Variants in GRID2 observed in about 807,000 individuals in gnomAD.
GRID2 encodes the protein glutamate receptor ionotropic, delta-2.
Under a neutral mutation model 114.8 loss-of-function variants are expected in GRID2, and 33 were observed. That is an observed-to-expected ratio of 0.29 (90% confidence interval 0.22 to 0.38). GRID2 has a LOEUF of 0.38. Among genes scored for constraint, GRID2 ranks in the 10% least tolerant of loss-of-function variants. The pLI, the probability that GRID2 is intolerant of heterozygous loss-of-function variation, is 1.00. For synonymous variants in GRID2, 505 were observed against 449.9 expected (o/e 1.12, Z -1.55); for missense variants, 1,184 against 1,257.7 (o/e 0.94, Z 0.89).
At chr4:92,741,795 T>A (rs1272038357) in intron 2 of GRID2, among the ~76,000 whole-genome samples, 1 of 152,204 alleles carries the variant, frequency 6.6e-6, no homozygotes, top group Admixed American at 6.5e-5. Flanking sequence ...TAAAGATTCA[T>A]TATAAGCAAA....
At chr4:92,715,419 A>G (rs1735492053) in intron 2 of GRID2, among the ~76,000 whole-genome samples, 1 of 152,130 alleles carries the variant, frequency 6.6e-6, no homozygotes, top group South Asian at 2.1e-4. Flanking sequence ...CCTGTCACCC[A>G]GTTCCAAAGT....
intron 8 of GRID2, chr4:93,302,561 A>G (rs1267234363): frequency 4.4e-6 from 2 of 456,060 alleles, no homozygotes; most frequent in Non-Finnish European, 8.8e-6. Flanking sequence ...TGTACGCACA[A>G]CTGAAAAATT....
intron 1 of GRID2, among the ~76,000 whole-genome samples, chr4:92,456,672 A>G (rs879687948): frequency 1.1e-4 from 17 of 152,060 alleles, no homozygotes; most frequent in Non-Finnish European, 2.4e-4. Flanking sequence ...TGGGATCTAT[A>G]TGATATGACA....
chr4:92,324,951 C>T (rs114262307), intron 1 of GRID2, among the ~76,000 whole-genome samples: 2,807 of 151,980 alleles, frequency 0.018, 47 homozygotes, highest in Non-Finnish European at 0.026. Context: ...AGAAAAATCT[C>T]TTCCAAAAAT....
chr4:92,338,567 T>C (rs1176818818), intron 1 of GRID2, among the ~76,000 whole-genome samples: 5 of 152,080 alleles, frequency 3.3e-5, no homozygotes, highest in Non-Finnish European at 7.4e-5. Context: ...TGCATATATA[T>C]AGTATCTCTC....
At chr4:92,416,628 T>C (rs1163876694) in intron 1 of GRID2, among the ~76,000 whole-genome samples, 1 of 152,134 alleles carries the variant, frequency 6.6e-6, no homozygotes, top group Non-Finnish European at 1.5e-5. Context: ...ATGTGGTTTG[T>C]CAATTATCCC....
At chr4:92,714,845 T>C (rs1052905121) in intron 2 of GRID2, among the ~76,000 whole-genome samples, 7 of 152,218 alleles carry the variant, frequency 4.6e-5, no homozygotes, top group African/African-American at 1.7e-4. Flanking sequence ...ACCATTTTTT[T>C]CTCCTAGCTC....
At chr4:92,760,226 A>G (rs1737927833) in intron 2 of GRID2, among the ~76,000 whole-genome samples, 1 of 135,584 alleles carries the variant, frequency 7.4e-6, no homozygotes, top group South Asian at 2.6e-4. Context: ...TGACATAGCG[A>G]GACTCTGTCT....
At chr4:93,672,853 CT>C (rs1170359774) in intron 14 of GRID2, among the ~76,000 whole-genome samples, 3 of 152,124 alleles carry the variant, frequency 2.0e-5, no homozygotes, top group African/African-American at 7.2e-5. Flanking sequence ...ATTATAATCT[CT>C]TTTTTTCCTT....
intron 14 of GRID2, among the ~76,000 whole-genome samples, chr4:93,647,366 G>T (rs1349091631): frequency 2.0e-5 from 3 of 152,260 alleles, no homozygotes; most frequent in Non-Finnish European, 4.4e-5. Flanking sequence ...CTCCATGATT[G>T]CTCAATTCAG....
intron 2 of GRID2, among the ~76,000 whole-genome samples, chr4:92,838,012 A>G (rs1057353007): frequency 1.3e-5 from 2 of 152,064 alleles, no homozygotes; most frequent in Admixed American, 1.3e-4. Context: ...AAAAAATGAG[A>G]TCAGCAATTA....
chr4:92,516,971 A>G (rs941867842), intron 1 of GRID2, among the ~76,000 whole-genome samples: 3 of 152,002 alleles, frequency 2.0e-5, no homozygotes, highest in African/African-American at 7.2e-5. Context: ...ACTAATAAGC[A>G]CCATTAACAA....
intron 1 of GRID2, among the ~76,000 whole-genome samples, chr4:92,520,375 T>A (rs1579508490): frequency 6.6e-6 from 1 of 151,070 alleles, no homozygotes; most frequent in Admixed American, 6.6e-5. Context: ...AACATATTGA[T>A]AAAAAAAAAC....
intron 5 of GRID2, among the ~76,000 whole-genome samples, chr4:93,212,834 G>A (rs761550937): frequency 2.6e-5 from 4 of 151,218 alleles, no homozygotes; most frequent in Non-Finnish European, 4.4e-5. Context: ...GTACAATGGC[G>A]CGATCTTGGC....
At chr4:93,170,714 T>C (rs768156184) in intron 4 of GRID2, among the ~76,000 whole-genome samples, 1 of 152,188 alleles carries the variant, frequency 6.6e-6, no homozygotes, top group Non-Finnish European at 1.5e-5. Flanking sequence ...GGTAACTGTT[T>C]CCAGCATACA....
At chr4:93,259,972 A>T (rs188577765) in intron 8 of GRID2, among the ~76,000 whole-genome samples, 2 of 151,894 alleles carry the variant, frequency 1.3e-5, no homozygotes, top group Admixed American at 6.6e-5. Context: ...ATGTGATATT[A>T]AAATTTGGTT....
intron 12 of GRID2, among the ~76,000 whole-genome samples, chr4:93,494,586 AACC>A (rs1727345194): frequency 6.6e-6 from 1 of 151,838 alleles, no homozygotes; most frequent in Non-Finnish European, 1.5e-5. Context: ...TGGAAAAGAT[AACC>A]CATAAATTTA....
intron 1 of GRID2, among the ~76,000 whole-genome samples, chr4:92,442,064 T>C (rs1456150025): frequency 6.6e-6 from 1 of 151,080 alleles, no homozygotes; most frequent in South Asian, 2.1e-4. Context: ...CCACAACAGT[T>C]ATGGAGGCAA....
At chr4:92,401,765 CTGCTGATTGAACAGAGTAGTGGT>C (rs1730800312) in intron 1 of GRID2, among the ~76,000 whole-genome samples, 4 of 152,112 alleles carry the variant, frequency 2.6e-5, no homozygotes, top group African/African-American at 9.7e-5. Flanking sequence ...CTGTTTATGG[CTGCTGATTGAACAGAGTAGTGGT>C]TGCTGATGGT....
Sources: gnomAD v4.1 joint callset for allele counts (sites outside exome capture counted in the v4.1 genomes callset) on GRCh38, gnomAD v4.1.1 for gene constraint, MANE v1.5 for transcripts, NCBI Gene and HGNC (gene_info 2026-07-23, HGNC 2026-07-21) for gene names.